Variants in TXNRD1 observed in about 807,000 individuals in gnomAD.
TXNRD1 encodes the protein thioredoxin reductase 1.
TXNRD1 carries 57 observed loss-of-function variants against 80.3 expected under a neutral mutation model. That is an observed-to-expected ratio of 0.71 (90% CI 0.57 to 0.89). The LOEUF is 0.89. Ranked by LOEUF, TXNRD1 falls within the 40% of genes least tolerant of loss-of-function variation. The pLI, the probability that TXNRD1 is intolerant of heterozygous loss-of-function variation, is 0.00. For missense variants in TXNRD1, 730 were observed against 803.0 expected (o/e 0.91, Z 1.10); for synonymous variants, 291 against 285.2 (o/e 1.02, Z -0.20).
chr12:104,325,320 C>CT lies in TXNRD1; in HGVS notation c.1216-14dup, dbSNP rs778866155. ...TAAATGTCTTTATTTCACAGTAAAA[C>CT]TTTATCACTCTTACAGGTTGAACAA... is the stretch of plus-strand genomic sequence containing the variant. On this transcript the variant is annotated splice_polypyrimidine_tract_variant and intron_variant, in intron 10 of 16. Coordinates refer to ENST00000525566, the MANE Select transcript of TXNRD1 (RefSeq NM_001093771.3). 1.3e-6 allele frequency: 2 copies of CT among 1,590,772 alleles called. No individual in the cohort carries two copies. Among genetic ancestry groups the CT allele is most frequent in the Admixed American group, 1.7e-5 (1 of 59,130 alleles).
At chr12:104,266,523 T>TAAAA (rs2033490669) in intron 3 of TXNRD1, among the ~76,000 whole-genome samples, 2 of 14,496 alleles carry the variant, frequency 1.4e-4, no homozygotes, top group East Asian at 4.9e-3. Context: ...AGAATTCATC[T>TAAAA]CAAAAAAAAA....
At chr12:104,286,998 A>G (rs541277015) in intron 3 of TXNRD1, 30 of 1,307,590 alleles carry the variant, frequency 2.3e-5, no homozygotes, top group African/African-American at 2.1e-4. Flanking sequence ...CGTAGCCATT[A>G]GGAAACAGCA....
At chr12:104,266,398 T>A (rs1350050712) in intron 3 of TXNRD1, among the ~76,000 whole-genome samples, 1 of 151,288 alleles carries the variant, frequency 6.6e-6, no homozygotes, top group Non-Finnish European at 1.5e-5. Flanking sequence ...TGGTGACGCA[T>A]GCTTGTAGTC....
chr12:104,241,969 C>G (rs2032880994), intron 1 of TXNRD1, among the ~76,000 whole-genome samples: 1 of 95,238 alleles, frequency 1.0e-5, no homozygotes, highest in African/African-American at 4.1e-5. Context: ...GAGATGGAGT[C>G]TCACTGTCGC....
chr12:104,217,398 C>T (rs544157773), intron 1 of TXNRD1, among the ~76,000 whole-genome samples: 3 of 151,998 alleles, frequency 2.0e-5, no homozygotes, highest in Admixed American at 6.6e-5. Context: ...TCAGCCTCCA[C>T]CTCCCAGGTT....
intron 3 of TXNRD1, chr12:104,262,723 A>G (rs1010675893): frequency 6.6e-6 from 1 of 152,076 alleles, no homozygotes; most frequent in Non-Finnish European, 1.5e-5. Context: ...CACTGGGAAT[A>G]CAGTAGTATA....
At chr12:104,266,981 A>T (rs2033506211) in intron 3 of TXNRD1, among the ~76,000 whole-genome samples, 1 of 150,536 alleles carries the variant, frequency 6.6e-6, no homozygotes, top group African/African-American at 2.4e-5. Flanking sequence ...TAAATAAAAT[A>T]AAATAAAATA....
At chr12:104,343,322 A>G (rs1271876803) in intron 16 of TXNRD1, among the ~76,000 whole-genome samples, 1 of 152,192 alleles carries the variant, frequency 6.6e-6, no homozygotes, top group Non-Finnish European at 1.5e-5. Flanking sequence ...TGTGCAGCTG[A>G]TACTTCATCT....
chr12:104,307,383 T>G (rs2034960652), intron 4 of TXNRD1, among the ~76,000 whole-genome samples: 1 of 152,224 alleles, frequency 6.6e-6, no homozygotes, highest in Non-Finnish European at 1.5e-5. Context: ...GTAAATACAT[T>G]CCAGCACTTC....
Position 104,319,452 on chromosome 12 carries a change from A to G in TXNRD1, c.874-18A>G, listed in dbSNP as rs1296024241. ...GGAATGATTACTTAATAAGGTTTTC[A>G]TATTGGTTCCTTTGTAGGCAACAAA... On this transcript the variant is annotated intron_variant, in intron 8 of 16. Transcript: ENST00000525566. 2.7e-6 allele frequency: 4 copies of G among 1,477,872 alleles called. No homozygotes were observed. The highest frequency in any genetic ancestry group is 2.8e-6 in the Non-Finnish European group (3 of 1,079,536). The allele number at this position is 1,477,872 out of a possible 1,614,324, so 91.5% of individuals were successfully genotyped here.
intron 16 of TXNRD1, among the ~76,000 whole-genome samples, chr12:104,345,542 A>G (rs1467265536): frequency 1.3e-5 from 2 of 152,216 alleles, no homozygotes. Flanking sequence ...CGCCTGGGGC[A>G]TTAGCAATGC....
At chr12:104,303,937 G>A in intron 4 of TXNRD1, 2 of 1,589,876 alleles carry the variant, frequency 1.3e-6, no homozygotes, top group Non-Finnish European at 8.5e-7. Context: ...GAGCGCTGAT[G>A]AAGATGGATG....
At chr12:104,311,719 G>A (rs773463220) in intron 5 of TXNRD1, among the ~76,000 whole-genome samples, 5 of 152,062 alleles carry the variant, frequency 3.3e-5, no homozygotes, top group South Asian at 2.1e-4. Context: ...GGTGACTCAC[G>A]CCTGTAATCC....
chr12:104,256,792 GAAAAAGAAAA>G (rs2033260631), intron 2 of TXNRD1, among the ~76,000 whole-genome samples: 1 of 106,474 alleles, frequency 9.4e-6, no homozygotes, highest in Admixed American at 8.9e-5. Flanking sequence ...AAAAAAAAAA[GAAAAAGAAAA>G]AGAAAGAAAA....
At chr12:104,347,736 C>T (rs963776507) in intron 16 of TXNRD1, among the ~76,000 whole-genome samples, 3 of 152,072 alleles carry the variant, frequency 2.0e-5, no homozygotes, top group African/African-American at 4.8e-5. Flanking sequence ...CAATATACAC[C>T]ATATATACTA....
intron 4 of TXNRD1, among the ~76,000 whole-genome samples, chr12:104,292,230 T>TA (rs2034244649): frequency 6.6e-6 from 1 of 152,184 alleles, no homozygotes; most frequent in Non-Finnish European, 1.5e-5. Context: ...ACTCCCTTGA[T>TA]AAAGGATGAA....
intron 2 of TXNRD1, among the ~76,000 whole-genome samples, chr12:104,253,046 T>A (rs1334476921): frequency 2.0e-5 from 3 of 151,988 alleles, no homozygotes; most frequent in African/African-American, 7.2e-5. Flanking sequence ...GTCTGCCCCA[T>A]GACTTACTTT....
chr12:104,255,701 G>C (rs1369024213), intron 2 of TXNRD1, among the ~76,000 whole-genome samples: 1 of 152,168 alleles, frequency 6.6e-6, no homozygotes, highest in African/African-American at 2.4e-5. Context: ...GCTGAGGCAG[G>C]AGAATTGCTT....
At chr12:104,323,799 C>T (rs1337252836) in intron 10 of TXNRD1, among the ~76,000 whole-genome samples, 11 of 99,768 alleles carry the variant, frequency 1.1e-4, no homozygotes, top group African/African-American at 3.0e-4. Flanking sequence ...GCTGGCCGGG[C>T]GGGGGGGCTG....
Sources: allele counts gnomAD v4.1 joint callset (sites outside exome capture counted in the v4.1 genomes callset), GRCh38; gene constraint gnomAD v4.1.1; transcripts MANE v1.5; gene names NCBI Gene and HGNC (gene_info 2026-07-23, HGNC 2026-07-21).